Variants in MMP24 observed in about 807,000 individuals in gnomAD.
MMP24 encodes the protein matrix metallopeptidase 24, also known as matrix metalloproteinase-24.
In MMP24, 25 loss-of-function variants were observed where a neutral mutation model predicts 62.8. That is an observed-to-expected ratio of 0.40 (90% confidence interval 0.29 to 0.56). The LOEUF is 0.56. Among genes scored for constraint, MMP24 ranks in the 20% least tolerant of loss-of-function variants. The pLI is 0.50. For synonymous variants in MMP24, 319 were observed against 350.5 expected, an observed-to-expected ratio of 0.91 and a Z score of 1.00; for missense variants, 634 against 853.6, an observed-to-expected ratio of 0.74 and a Z score of 3.21.
At chr20:35,257,136 TATC>T (rs1568616568) in intron 4 of MMP24, among the ~76,000 whole-genome samples, 1 of 152,208 alleles carries the variant, frequency 6.6e-6, no homozygotes, top group Non-Finnish European at 1.5e-5. Flanking sequence ...GAACACTTTA[TATC>T]ATCGCATGGA....
chr20:35,265,557 T>A (rs1340697477), intron 5 of MMP24, among the ~76,000 whole-genome samples: 1 of 152,194 alleles, frequency 6.6e-6, no homozygotes, highest in Non-Finnish European at 1.5e-5. Context: ...TAAACTAGTA[T>A]TAAATTTCAT....
chr20:35,228,458 G>A (rs2060424620), intron 1 of MMP24, among the ~76,000 whole-genome samples: 1 of 152,176 alleles, frequency 6.6e-6, no homozygotes, highest in Non-Finnish European at 1.5e-5. Context: ...TACCCTAGAA[G>A]AAAGATTGCT....
chr20:35,245,572 C>T (rs964772314), intron 1 of MMP24, among the ~76,000 whole-genome samples: 12 of 151,820 alleles, frequency 7.9e-5, no homozygotes, highest in African/African-American at 2.7e-4. Context: ...CCTTAGCCTC[C>T]TGAGTAGCTG....
chr20:35,274,984 G>A lies in MMP24; in HGVS notation c.*375G>A, dbSNP rs2060695861. 1 of 231,316 alleles carries A rather than the reference G, an allele frequency of 4.3e-6. No homozygotes were observed. The highest frequency in any genetic ancestry group is 8.5e-6 in the Non-Finnish European group (1 of 117,370). 14.3% of individuals were successfully genotyped at this position (231,316 alleles called of 1,614,324 possible). A position where few individuals can be genotyped will look rare whatever the true frequency, so the allele number is the denominator to read the frequency against. On this transcript the variant is annotated 3_prime_UTR_variant, in exon 9 of 9. Coordinates refer to ENST00000246186, the MANE Select transcript of MMP24 (RefSeq NM_006690.4). The surrounding 1 kb of genome is among the most constrained non-coding windows in gnomAD (Gnocchi z 5.1). ...CTGGCTGGAACCCAGCACCCTCTGT[G>A]GGAAGCCAGCACTAGCTCTCATCCC... is the stretch of plus-strand genomic sequence containing the variant.
At chr20:35,228,856 A>G (rs1031825073) in intron 1 of MMP24, among the ~76,000 whole-genome samples, 5 of 152,102 alleles carry the variant, frequency 3.3e-5, no homozygotes, top group African/African-American at 1.2e-4. Flanking sequence ...TTTTGGCCCT[A>G]ATTTTCAATA....
At chr20:35,254,964 T>C (rs1287986429) in intron 4 of MMP24, among the ~76,000 whole-genome samples, 1 of 152,088 alleles carries the variant, frequency 6.6e-6, no homozygotes. Flanking sequence ...ACTTAGAAGA[T>C]AGTCCGGTTG....
chr20:35,274,919 C>T lies in MMP24; in HGVS notation c.*310C>T, dbSNP rs116554407. 6.3e-3 allele frequency: 2,413 copies of T among 385,972 alleles called. 36 individuals are homozygous for T. Among genetic ancestry groups the T allele is most frequent in the African/African-American group, 0.045 (2,219 of 48,920 alleles). 23.9% of individuals were successfully genotyped at this position (385,972 alleles called of 1,614,324 possible). A position where few individuals can be genotyped will look rare whatever the true frequency, so the allele number is the denominator to read the frequency against. ...ATGCCAGGAGGAGCCCCTGTGGTCACGGCATCCTGTGGTGTCCATGAGGTA... is the reference window on the plus strand; with the variant it reads ...ATGCCAGGAGGAGCCCCTGTGGTCATGGCATCCTGTGGTGTCCATGAGGTA... On this transcript the variant is annotated 3_prime_UTR_variant, in exon 9 of 9. Coordinates refer to ENST00000246186, the MANE Select transcript of MMP24 (RefSeq NM_006690.4). The surrounding 1 kb of genome is among the most constrained non-coding windows in gnomAD (Gnocchi z 5.1).
At chr20:35,260,970 G>A (rs1418965943) in intron 4 of MMP24, among the ~76,000 whole-genome samples, 1 of 152,180 alleles carries the variant, frequency 6.6e-6, no homozygotes, top group East Asian at 1.9e-4. Flanking sequence ...GTTCCTGGCA[G>A]CCTCCCTGGA....
At position 35,271,421 on chromosome 20, in the gene MMP24, T is replaced by C; in HGVS notation, c.1334-148T>C. 2 of 1,021,512 alleles carry C rather than the reference T, an allele frequency of 2.0e-6. No homozygotes were observed. The highest frequency in any genetic ancestry group is 2.9e-5 in the Admixed American group (1 of 34,766). 63.3% of individuals were successfully genotyped at this position (1,021,512 alleles called of 1,614,324 possible). On this transcript the variant is annotated intron_variant, in intron 7 of 8. Coordinates refer to ENST00000246186, the MANE Select transcript of MMP24 (RefSeq NM_006690.4). The surrounding 1 kb of genome is among the most constrained non-coding windows in gnomAD (Gnocchi z 4.0). ...CAGCAGAGGCAAGTTGTCCAGGATC[T>C]GTGACTGGCCTCAGGCTTCGTGCCC...
At position 35,251,980 on chromosome 20, in the gene MMP24, C is replaced by G. The variant is rs948590196; in HGVS notation, c.471C>G (p.Ala157=). ...LSRRRRNKRY[A]LTGQKWRQKH... is the part of the protein sequence containing the mutation. ...GTAGGCGGAGAAACAAGCGCTATGC[C>G]CTGACTGGACAGAAGTGGAGGCAAA... The change falls in exon 3 of 9, where the codon GCC becomes GCG. Residue 157 remains alanine, a synonymous_variant. Transcript: ENST00000246186. The G allele has an allele frequency of 6.2e-7, 1 of 1,614,014 alleles. No homozygotes were observed. Among genetic ancestry groups the G allele is most frequent in the Admixed American group, 1.7e-5 (1 of 60,026 alleles).
chr20:35,242,329 C>T (rs2060492317), intron 1 of MMP24, among the ~76,000 whole-genome samples: 2 of 151,698 alleles, frequency 1.3e-5, no homozygotes, highest in Admixed American at 1.3e-4. Context: ...GAGACTCCAT[C>T]TCAAAAAATA....
Position 35,276,196 on chromosome 20 carries a change from T to A in MMP24, c.*1587T>A. 1 of 398,704 alleles carries A rather than the reference T, an allele frequency of 2.5e-6. No homozygotes were observed. The highest frequency in any genetic ancestry group is 4.4e-6 in the Non-Finnish European group (1 of 226,086). 24.7% of individuals were successfully genotyped at this position (398,704 alleles called of 1,614,324 possible). A position where few individuals can be genotyped will look rare whatever the true frequency, so the allele number is the denominator to read the frequency against. ...GGGACTCCTGCTGCCCTGGGAGCTG[T>A]CTCAAGCAAAATCTCTTGTCCCAGA... On this transcript the variant is annotated 3_prime_UTR_variant, in exon 9 of 9. Coordinates refer to ENST00000246186, the MANE Select transcript of MMP24 (RefSeq NM_006690.4).
In MMP24 at chr20:35,271,688, G is replaced by A. The variant is rs1213231116; in HGVS notation, c.1453G>A (p.Val485Met). ...GIDTALRWEP[V>M]GKTYFFKGER... ...TGACACAGCTCTGCGCTGGGAACCTGTGGGCAAGACCTACTTTTTCAAAGG... is the reference window on the plus strand; with the variant it reads ...TGACACAGCTCTGCGCTGGGAACCTATGGGCAAGACCTACTTTTTCAAAGG... Residue 485 changes from valine (V) to methionine (M), a missense_variant, in exon 8 of 9, where the codon GTG (valine) becomes ATG (methionine). Val to Met is a conservative substitution (Grantham distance 21, BLOSUM62 1). Around this residue, in one of 3 missense-constraint regions of MMP24, gnomAD observed 399 missense variants for 530.8 expected, o/e 0.75. Coordinates refer to ENST00000246186, the MANE Select transcript of MMP24 (RefSeq NM_006690.4). This position sits in a 1 kb window ranked among gnomAD's most constrained non-coding sequence, Gnocchi z 4.0. 1.2e-6 allele frequency: 2 copies of A among 1,608,188 alleles called. No homozygotes were observed. Among genetic ancestry groups the A allele is most frequent in the African/African-American group, 1.3e-5 (1 of 74,872 alleles).
At chr20:35,261,214 CA>C (rs1480499988) in intron 4 of MMP24, among the ~76,000 whole-genome samples, 1 of 152,196 alleles carries the variant, frequency 6.6e-6, no homozygotes, top group Non-Finnish European at 1.5e-5. Flanking sequence ...GTCCTAGGCA[CA>C]ATACAGAAGC....
chr20:35,266,836 C>T (rs559857646), intron 5 of MMP24, among the ~76,000 whole-genome samples: 41 of 151,786 alleles, frequency 2.7e-4, no homozygotes, highest in East Asian at 9.7e-4. Flanking sequence ...GAGTGGGTGA[C>T]GGGTAGAAGC....
chr20:35,262,689 G>C (rs954195338), intron 4 of MMP24: 1 of 146,198 alleles, frequency 6.8e-6, no homozygotes, highest in African/African-American at 2.7e-5. Context: ...GTCGGGCTGG[G>C]GGACAGTCAG....
rs758201797 is a variant in MMP24, at chr20:35,267,292, A to C, written c.1067A>C (p.Glu356Ala). ...RIHSPSERKHERQPRPPRPPL... is the reference protein window; with the variant it reads ...RIHSPSERKHARQPRPPRPPL... ...CACTCACCATCGGAGAGGAAACACG[A>C]GCGCCAGCCCAGGCCCCCTCGGCCG... Residue 356 changes from glutamate (E) to alanine (A), a missense_variant, in exon 6 of 9, where the codon GAG (glutamate) becomes GCG (alanine). This residue lies in a region of MMP24 where 399 missense variants were observed against 530.8 expected (regional missense o/e 0.75). Coordinates refer to ENST00000246186, the MANE Select transcript of MMP24 (RefSeq NM_006690.4). 1 of 1,603,554 alleles carries C rather than the reference A, an allele frequency of 6.2e-7. No individual in the cohort carries two copies. The highest frequency in any genetic ancestry group is 1.1e-5 in the South Asian group (1 of 89,012).
intron 7 of MMP24, among the ~76,000 whole-genome samples, chr20:35,270,711 G>T (rs1450053967): frequency 2.6e-5 from 4 of 152,210 alleles, no homozygotes; most frequent in Non-Finnish European, 5.9e-5. Flanking sequence ...AAGGGCAGGG[G>T]ACAGCTGCCA....
chr20:35,232,520 G>A (rs2060442486), intron 1 of MMP24, among the ~76,000 whole-genome samples: 1 of 152,248 alleles, frequency 6.6e-6, no homozygotes, highest in Admixed American at 6.5e-5. Flanking sequence ...GAAGAGGGAG[G>A]AGATGAGGTT....
Sources: gnomAD v4.1 joint callset for allele counts (sites outside exome capture counted in the v4.1 genomes callset) on GRCh38, gnomAD v4.1.1 for gene constraint, gnomAD v4.1.1 regional missense constraint, Gnocchi (gnomAD v3.1) non-coding constraint, MANE v1.5 for transcripts, NCBI Gene and HGNC (gene_info 2026-07-23, HGNC 2026-07-21) for gene names.